TMEM131: variants seen among roughly 807,000 people sequenced by gnomAD.
TMEM131 encodes 2610524E03Rik.
TMEM131 carries 66 observed loss-of-function variants against 211.6 expected under a neutral mutation model. That is an observed-to-expected ratio of 0.31 (90% CI 0.26 to 0.38). The LOEUF is 0.38. TMEM131 is among the 10% of genes least tolerant of loss of function. TMEM131 has a pLI of 1.00. For synonymous variants in TMEM131, 844 were observed against 841.3 expected, an observed-to-expected ratio of 1.00 and a Z score of -0.06; for missense variants, 2,036 against 2,299.3, an observed-to-expected ratio of 0.89 and a Z score of 2.34.
intron 1 of TMEM131, among the ~76,000 whole-genome samples, chr2:97,940,506 G>A (rs1040701524): frequency 6.6e-6 from 1 of 152,168 alleles, no homozygotes; most frequent in African/African-American, 2.4e-5. Flanking sequence ...ACTGCTCAGT[G>A]AAATAAAAGA....
chr2:97,977,863 G>A (rs1487676280), intron 1 of TMEM131, among the ~76,000 whole-genome samples: 1 of 152,058 alleles, frequency 6.6e-6, no homozygotes, highest in African/African-American at 2.4e-5. Context: ...AGAGGCAGGC[G>A]GATCATGAGG....
intron 1 of TMEM131, 80 bp from the exon 2 acceptor site, chr2:97,927,567 T>A: frequency 8.5e-7 from 1 of 1,181,270 alleles, no homozygotes; most frequent in Non-Finnish European, 1.1e-6. Context: ...TAAAGTTAAT[T>A]AATATAATTT....
intron 1 of TMEM131, among the ~76,000 whole-genome samples, chr2:97,973,064 A>G (rs549609914): frequency 3.7e-4 from 56 of 152,228 alleles, no homozygotes; most frequent in Non-Finnish European, 1.8e-4. Context: ...ATAAAATAAT[A>G]AAGTTGTGTT....
chr2:97,930,854 A>G (rs1264128695), intron 1 of TMEM131, among the ~76,000 whole-genome samples: 1 of 151,912 alleles, frequency 6.6e-6, no homozygotes, highest in African/African-American at 2.4e-5. Context: ...TCCCTAGTTC[A>G]AGCATCAAAC....
intron 8 of TMEM131, among the ~76,000 whole-genome samples, chr2:97,836,595 A>C (rs1334636362): frequency 6.6e-6 from 1 of 152,220 alleles, no homozygotes; most frequent in African/African-American, 2.4e-5. Flanking sequence ...TCAAGAATTA[A>C]AATTTTTCTA....
intron 4 of TMEM131, among the ~76,000 whole-genome samples, chr2:97,886,525 T>C (rs1053062198): frequency 6.6e-6 from 1 of 152,116 alleles, no homozygotes; most frequent in Non-Finnish European, 1.5e-5. Flanking sequence ...TCTGGGTACT[T>C]TCCTCAGCTG....
chr2:97,981,426 T>C (rs1329140819), intron 1 of TMEM131, among the ~76,000 whole-genome samples: 2 of 152,250 alleles, frequency 1.3e-5, no homozygotes, highest in Non-Finnish European at 2.9e-5. Flanking sequence ...ATTAAGGTTG[T>C]ATCTTTTTTG....
intron 8 of TMEM131, among the ~76,000 whole-genome samples, chr2:97,835,391 T>C (rs1682892285): frequency 6.6e-6 from 1 of 152,216 alleles, no homozygotes; most frequent in Non-Finnish European, 1.5e-5. Context: ...ACACTGCTCT[T>C]TCATGGAAAA....
intron 1 of TMEM131, among the ~76,000 whole-genome samples, chr2:97,950,580 C>G (rs59752876): frequency 0.072 from 10,968 of 152,206 alleles, 475 homozygotes; most frequent in Middle Eastern, 0.12. Flanking sequence ...CCGGATATTC[C>G]CCTTCAGGCA....
At chr2:97,942,509 A>AT (rs1447425568) in intron 1 of TMEM131, among the ~76,000 whole-genome samples, 32 of 151,730 alleles carry the variant, frequency 2.1e-4, no homozygotes, top group Non-Finnish European at 4.4e-5. Context: ...AAAGAAAAGA[A>AT]AGAAACAGGG....
intron 33 of TMEM131, among the ~76,000 whole-genome samples, chr2:97,768,343 T>A (rs1247292219): frequency 1.3e-5 from 2 of 152,280 alleles, no homozygotes; most frequent in Middle Eastern, 6.8e-3. Flanking sequence ...AAGGCTCCCA[T>A]AGTAGACACC....
At chr2:97,966,679 T>A (rs1340857491) in intron 1 of TMEM131, among the ~76,000 whole-genome samples, 1 of 152,150 alleles carries the variant, frequency 6.6e-6, no homozygotes, top group Non-Finnish European at 1.5e-5. Context: ...ATAACATGAA[T>A]ATGCAACAAG....
At chr2:97,771,580 C>T (rs755558095) in intron 33 of TMEM131, among the ~76,000 whole-genome samples, 60 of 152,340 alleles carry the variant, frequency 3.9e-4, no homozygotes, top group African/African-American at 1.0e-3. Context: ...CAGCAGCTCC[C>T]GTGCTGATGA....
chr2:97,908,316 T>C (rs1478623442), intron 3 of TMEM131, among the ~76,000 whole-genome samples: 2 of 152,068 alleles, frequency 1.3e-5, no homozygotes, highest in African/African-American at 2.4e-5. Flanking sequence ...AGACCCCTGG[T>C]AACTGGGGGC....
chr2:97,929,740 G>C (rs1322561006), intron 1 of TMEM131, among the ~76,000 whole-genome samples: 1 of 151,770 alleles, frequency 6.6e-6, no homozygotes, highest in African/African-American at 2.4e-5. Flanking sequence ...GTGGCATATA[G>C]AGAATATTCA....
Position 97,772,356 on chromosome 2 carries a change from C to G in TMEM131, c.4389G>C (p.Lys1463Asn). 4 of 1,601,116 alleles carry G rather than the reference C, an allele frequency of 2.5e-6. No individual in the cohort carries two copies. Among genetic ancestry groups the G allele is most frequent in the Non-Finnish European group, 3.4e-6 (4 of 1,176,854 alleles). The stretch of plus-strand genomic sequence containing the variant: ...TATTTAAGAGTTTTTTGCTTTTTTG[C>G]TTCACTTGAGACATTTCACTTTCAT... The part of the protein sequence containing the change: ...EKHESEMSQV[K>N]QKSKKLLNIK... The change falls in exon 33 of 41, where the codon AAG becomes AAC. Residue 1463 changes from lysine (K) to asparagine (N), a missense_variant. Physicochemically the swap from Lys to Asn is moderately conservative, Grantham distance 94. Around this residue, in one of 3 missense-constraint regions of TMEM131, gnomAD observed 1,623 missense variants for 1,805.9 expected, o/e 0.90. Transcript: ENST00000186436.
intron 2 of TMEM131, among the ~76,000 whole-genome samples, chr2:97,918,667 A>G (rs1272228228): frequency 1.3e-5 from 2 of 152,216 alleles, no homozygotes; most frequent in African/African-American, 2.4e-5. Context: ...CTTAGGAGAC[A>G]TAGCAACCAA....
At chr2:97,959,396 T>TC (rs1336132225) in intron 1 of TMEM131, among the ~76,000 whole-genome samples, 1 of 152,168 alleles carries the variant, frequency 6.6e-6, no homozygotes, top group Non-Finnish European at 1.5e-5. Context: ...GCCACTGTGG[T>TC]CCTGACTCTC....
chr2:97,912,203 A>G (rs1676319106), intron 2 of TMEM131, among the ~76,000 whole-genome samples: 1 of 152,256 alleles, frequency 6.6e-6, no homozygotes, highest in Non-Finnish European at 1.5e-5. Context: ...AACTGTTATA[A>G]TTCGACAGTG....
Sources: gnomAD v4.1 joint callset for allele counts (sites outside exome capture counted in the v4.1 genomes callset) on GRCh38, gnomAD v4.1.1 for gene constraint, gnomAD v4.1.1 regional missense constraint, MANE v1.5 for transcripts, NCBI Gene and HGNC (gene_info 2026-07-23, HGNC 2026-07-21) for gene names.